Variants in STK32C observed in about 807,000 individuals in gnomAD.
STK32C encodes serine/threonine kinase 32C.
STK32C carries 31 observed loss-of-function variants against 56.5 expected under a neutral mutation model. That is an observed-to-expected ratio of 0.55 (90% CI 0.41 to 0.74). The LOEUF is 0.74. Among genes scored for constraint, STK32C ranks in the 30% least tolerant of loss-of-function variants. The pLI is 0.00. For missense variants in STK32C, 544 were observed against 676.9 expected (o/e 0.80, Z 2.18); for synonymous variants, 309 against 289.4 (o/e 1.07, Z -0.69).
rs1485570515 is a variant in STK32C at position 132,208,921 on chromosome 10, G to A, written c.1319+113C>T. The A allele has an allele frequency of 6.3e-6, 6 of 957,590 alleles. No individual in the cohort carries two copies. In the African/African-American group the frequency reaches 8.1e-5, roughly 13 times the overall value. 59.3% of individuals were successfully genotyped at this position (957,590 alleles called of 1,614,324 possible). A position where few individuals can be genotyped will look rare whatever the true frequency, so the allele number is the denominator to read the frequency against. ...CTGCTCAGAGTCCCCAAAGAGAGCA[G>A]GGCCACGCACCCCAGGCCCACAGGT... On this transcript the variant is annotated intron_variant, in intron 11 of 11. Transcript: ENST00000298630.
intron 10 of STK32C, among the ~76,000 whole-genome samples, chr10:132,212,919 G>T (rs889312706): frequency 6.6e-6 from 1 of 152,260 alleles, no homozygotes; most frequent in African/African-American, 2.4e-5. Flanking sequence ...AGACCTGCTG[G>T]CCTGGAGCAG....
chr10:132,260,719 C>T (rs953408743), intron 1 of STK32C, among the ~76,000 whole-genome samples: 4 of 152,254 alleles, frequency 2.6e-5, no homozygotes, highest in African/African-American at 9.6e-5. Context: ...CTCATGGATG[C>T]CACCAGTGGC....
At chr10:132,210,873 G>T (rs560492471) in intron 10 of STK32C, among the ~76,000 whole-genome samples, 1 of 152,300 alleles carries the variant, frequency 6.6e-6, no homozygotes, top group South Asian at 2.1e-4. Context: ...GCGGGAATGT[G>T]GACTCTCTCT....
chr10:132,225,889 C>T, intron 4 of STK32C, 105 bp from the exon 5 acceptor site: 17 of 1,463,962 alleles, frequency 1.2e-5, no homozygotes, highest in Non-Finnish European at 1.5e-5. Flanking sequence ...CACCAACCCA[C>T]TCGAGGCAGA....
intron 1 of STK32C, among the ~76,000 whole-genome samples, chr10:132,298,167 G>A (rs887626941): frequency 2.0e-5 from 3 of 152,198 alleles, no homozygotes; most frequent in Non-Finnish European, 2.9e-5. Context: ...CGGCCGACCC[G>A]CAGCAGCCCT....
intron 1 of STK32C, among the ~76,000 whole-genome samples, chr10:132,283,495 C>T (rs898029895): frequency 6.6e-6 from 1 of 152,206 alleles, no homozygotes; most frequent in African/African-American, 2.4e-5. Flanking sequence ...GGCTCCCAGA[C>T]AGATGGGCAG....
At chr10:132,293,308 G>A (rs532069985) in intron 1 of STK32C, among the ~76,000 whole-genome samples, 325 of 152,356 alleles carry the variant, frequency 2.1e-3, no homozygotes, top group South Asian at 9.5e-3. Context: ...AGGGCCAAGC[G>A]ACTGTCCTGG....
At chr10:132,232,535 G>A (rs901907026) in intron 2 of STK32C, among the ~76,000 whole-genome samples, 2 of 152,104 alleles carry the variant, frequency 1.3e-5, no homozygotes, top group East Asian at 1.9e-4. Flanking sequence ...GGCCTGGGGG[G>A]CTGAGGGCAG....
At chr10:132,297,149 G>A (rs1372792787) in intron 1 of STK32C, among the ~76,000 whole-genome samples, 2 of 152,220 alleles carry the variant, frequency 1.3e-5, no homozygotes. Context: ...TGCGCCTCTG[G>A]CTGCTGTGGC....
At chr10:132,234,757 G>C (rs960518144) in intron 2 of STK32C, among the ~76,000 whole-genome samples, 3 of 152,174 alleles carry the variant, frequency 2.0e-5, no homozygotes, top group Non-Finnish European at 4.4e-5. Flanking sequence ...ATGAGCTGCT[G>C]GGGGGGCCTT....
At chr10:132,268,477 G>A (rs2064679936) in intron 1 of STK32C, among the ~76,000 whole-genome samples, 1 of 150,018 alleles carries the variant, frequency 6.7e-6, no homozygotes, top group Non-Finnish European at 1.5e-5. Flanking sequence ...TCGTGTGTGT[G>A]TGTCGGTGTG....
rs143182942 is a variant in STK32C, at chr10:132,253,564, C to CGAGGGAGCTG, written c.263-7619_263-7610dup. Among the ~76,000 whole-genome samples the CGAGGGAGCTG allele has an allele frequency of 3.9e-3, 461 of 118,362 alleles. 3 individuals are homozygous for CGAGGGAGCTG. The highest frequency in any genetic ancestry group is 5.9e-3 in the Non-Finnish European group (362 of 61,208). 77.7% of individuals were successfully genotyped at this position (118,362 alleles called of 152,430 possible). A position where few individuals can be genotyped will look rare whatever the true frequency, so the allele number is the denominator to read the frequency against. ...GGGAGTCGAGGGAGCTGGAGGGAGT[C>CGAGGGAGCTG]GAGGGAGCTGGAGGGAGCTGGAGGG... On this transcript the variant is annotated intron_variant, in intron 1 of 11. Transcript: ENST00000298630.
At chr10:132,238,472 G>A (rs1159435567) in intron 2 of STK32C, among the ~76,000 whole-genome samples, 5 of 152,078 alleles carry the variant, frequency 3.3e-5, no homozygotes, top group Non-Finnish European at 7.4e-5. Context: ...AGGCTTCCTC[G>A]GGAAAAGCAG....
At chr10:132,274,675 G>A (rs935624396) in intron 1 of STK32C, among the ~76,000 whole-genome samples, 1 of 152,186 alleles carries the variant, frequency 6.6e-6, no homozygotes, top group Admixed American at 6.5e-5. Flanking sequence ...GCGTGGGCCT[G>A]TCTGCAGAAT....
Position 132,216,467 on chromosome 10 carries a change from C to CAAA in STK32C, c.1251+6171_1251+6173dup, listed in dbSNP as rs35942990. Reference sequence around the variant, plus strand: ...CCTGGGTGACAGAGCAAGACTGTCTCAAAAAAAAAAAAAAAGAGAGAAAAA... The same window carrying CAAA: ...CCTGGGTGACAGAGCAAGACTGTCTCAAAAAAAAAAAAAAAAAAGAGAGAAAAA... On this transcript the variant is annotated intron_variant, in intron 10 of 11. Transcript: ENST00000298630. 1.6e-3 allele frequency among the ~76,000 whole-genome samples: 190 copies of CAAA among 121,372 alleles called. 2 individuals are homozygous for CAAA. Among genetic ancestry groups the CAAA allele is most frequent in the Non-Finnish European group, 2.6e-3 (160 of 61,748 alleles). 79.6% of individuals were successfully genotyped at this position (121,372 alleles called of 152,430 possible). A position where few individuals can be genotyped will look rare whatever the true frequency, so the allele number is the denominator to read the frequency against.
At chr10:132,310,876 C>T (rs936735823), upstream of STK32C, among the ~76,000 whole-genome samples, 23 of 152,180 alleles carry the variant, frequency 1.5e-4, no homozygotes, top group Non-Finnish European at 2.8e-4. This position sits in a 1 kb window ranked among gnomAD's most constrained non-coding sequence, Gnocchi z 4.6. Flanking sequence ...GGAGCATGAA[C>T]GAGTAGCCCA....
chr10:132,259,222 C>A (rs1286157926), intron 1 of STK32C, among the ~76,000 whole-genome samples: 4 of 152,226 alleles, frequency 2.6e-5, no homozygotes, highest in African/African-American at 9.6e-5. Context: ...CCTGCAGGAC[C>A]CTCCTTCCAT....
chr10:132,278,617 C>T (rs1379802174), intron 1 of STK32C, among the ~76,000 whole-genome samples: 5 of 151,940 alleles, frequency 3.3e-5, no homozygotes, highest in Non-Finnish European at 7.4e-5. Flanking sequence ...AAAAATTAGC[C>T]GGGCGTGGTG....
intron 2 of STK32C, among the ~76,000 whole-genome samples, chr10:132,233,298 G>A (rs996689047): frequency 2.6e-5 from 4 of 152,176 alleles, no homozygotes; most frequent in Admixed American, 2.0e-4. Flanking sequence ...GCACTCCAGA[G>A]GCAGTTCCAT....
Sources: allele counts gnomAD v4.1 joint callset (sites outside exome capture counted in the v4.1 genomes callset), GRCh38; gene constraint gnomAD v4.1.1; non-coding constraint Gnocchi (gnomAD v3.1); transcripts MANE v1.5; gene names NCBI Gene and HGNC (gene_info 2026-07-23, HGNC 2026-07-21).